CHST15: variants seen among roughly 807,000 people sequenced by gnomAD.
CHST15 encodes B cell RAG associated protein (GALNAC4S-6ST).
In CHST15, 30 loss-of-function variants were observed where a neutral mutation model predicts 53.6. The ratio of observed to expected loss-of-function variants is 0.56; its 90% CI spans 0.42 to 0.76. The LOEUF is 0.76. CHST15 is among the 30% of genes least tolerant of loss of function. The pLI, the probability that CHST15 is intolerant of heterozygous loss-of-function variation, is 0.00. For missense variants in CHST15, 627 were observed against 740.5 expected (o/e 0.85, Z 1.78); for synonymous variants, 296 against 289.8 (o/e 1.02, Z -0.22).
In CHST15 at chr10:124,021,238, G is replaced by GGGT. The variant is rs755457867; in HGVS notation, c.1347+17_1347+18insACC. 5.2e-6 allele frequency: 4 copies of GGGT among 770,894 alleles called. No individual in the cohort carries two copies. Among genetic ancestry groups the GGGT allele is most frequent in the African/African-American group, 4.0e-5 (1 of 24,862 alleles). The allele number at this position is 770,894 out of a possible 1,614,324, so 47.8% of individuals were successfully genotyped here. A position where few individuals can be genotyped will look rare whatever the true frequency, so the allele number is the denominator to read the frequency against. On this transcript the variant is annotated intron_variant, in intron 6 of 7. Coordinates refer to ENST00000435907, the MANE Select transcript of CHST15 (RefSeq NM_001270764.2). Reference sequence around the variant, plus strand: ...GCCAGGGGCCAGCTCGGGGGGTACGGGGGGGGGGGGTACACACAGGCATGG... The same window carrying GGGT: ...GCCAGGGGCCAGCTCGGGGGGTACGGGGTGGGGGGGGGGTACACACAGGCATGG...
intron 1 of CHST15, among the ~76,000 whole-genome samples, chr10:124,058,784 GGCAAATATCCA>G (rs1948467763): frequency 6.6e-6 from 1 of 152,182 alleles, no homozygotes; most frequent in Non-Finnish European, 1.5e-5. Flanking sequence ...CAGAAAGCAT[GGCAAATATCCA>G]GCAAATATCC....
chr10:124,081,608 A>G (rs769391682), intron 1 of CHST15, among the ~76,000 whole-genome samples: 6 of 152,250 alleles, frequency 3.9e-5, no homozygotes, highest in South Asian at 2.1e-4. Context: ...ATAGATATCC[A>G]TAAGGATTTT....
intron 1 of CHST15, among the ~76,000 whole-genome samples, chr10:124,073,047 C>G (rs1460689166): frequency 6.6e-6 from 1 of 152,182 alleles, no homozygotes; most frequent in Admixed American, 6.5e-5. Context: ...GTTTGGAACA[C>G]TGGCATTATC....
At chr10:124,018,977 G>A (rs987501161) in intron 6 of CHST15, among the ~76,000 whole-genome samples, 7 of 152,206 alleles carry the variant, frequency 4.6e-5, no homozygotes, top group African/African-American at 1.2e-4. Context: ...CACGTTCCCC[G>A]ATTTGTGTGC....
rs566065498 is a variant in CHST15 at position 124,075,146 on chromosome 10, T to G, written c.-513+18323A>C. 9.2e-5 allele frequency among the ~76,000 whole-genome samples: 14 copies of G among 152,378 alleles called. No homozygotes were observed. In the South Asian group the frequency reaches 2.9e-3, roughly 32 times the overall value. ...AAAACAATGACTGTGGATAGCTTAA[T>G]GGGGAAAATAAATAAAGCCAGCTTT... On this transcript the variant is annotated intron_variant, in intron 1 of 7. Coordinates refer to ENST00000435907, the MANE Select transcript of CHST15 (RefSeq NM_001270764.2).
At chr10:124,023,972 T>C (rs1321316356) in intron 5 of CHST15, among the ~76,000 whole-genome samples, 1 of 152,034 alleles carries the variant, frequency 6.6e-6, no homozygotes, top group Non-Finnish European at 1.5e-5. Flanking sequence ...GCCTCCTGAG[T>C]AGCTGGAATT....
intron 6 of CHST15, 40 bp downstream of exon 6, chr10:124,021,216 A>C: frequency 1.5e-6 from 1 of 688,360 alleles, no homozygotes; most frequent in Non-Finnish European, 2.2e-6. Flanking sequence ...TCCTTCTGCC[A>C]GGGGCCAGCT....
At chr10:124,029,892 GC>G (rs1947159364) in intron 5 of CHST15, among the ~76,000 whole-genome samples, 1 of 152,172 alleles carries the variant, frequency 6.6e-6, no homozygotes, top group African/African-American at 2.4e-5. Context: ...GTTTCTAAGT[GC>G]CCTCCCTGAT....
At chr10:124,020,747 A>T in intron 6 of CHST15, 5 of 1,031,036 alleles carry the variant, frequency 4.8e-6, no homozygotes, top group Non-Finnish European at 5.8e-6. Flanking sequence ...TTTTGCATTC[A>T]AAAAGGCTAG....
intron 7 of CHST15, chr10:124,011,583 C>G (rs939316660): frequency 1.0e-6 from 1 of 985,456 alleles, no homozygotes; most frequent in African/African-American, 1.7e-5. Context: ...GCCTGCTCAG[C>G]CTTTCAAGCC....
At chr10:124,021,126 TGCACATTAAAAC>T in intron 6 of CHST15, 118 bp downstream of exon 6, 1 of 1,523,604 alleles carries the variant, frequency 6.6e-7, no homozygotes, top group African/African-American at 1.4e-5. Flanking sequence ...GAACAGCATT[TGCACATTAAAAC>T]GCTTCTCTCT....
At chr10:124,089,189 T>C (rs1187012928) in intron 1 of CHST15, among the ~76,000 whole-genome samples, 1 of 152,120 alleles carries the variant, frequency 6.6e-6, no homozygotes, top group Non-Finnish European at 1.5e-5. Context: ...GGAGGGAGGC[T>C]GCGTGATTCT....
chr10:124,008,646 G>A lies in CHST15; in HGVS notation c.*1503C>T, dbSNP rs1323664060. ...CCAGCAGAAAGACGGCTGAACAACT[G>A]CAGATCCTCCTACCCCCGAAGCCTG... is the stretch of plus-strand genomic sequence containing the variant. On this transcript the variant is annotated 3_prime_UTR_variant, in exon 8 of 8. Transcript: ENST00000435907. The A allele has an allele frequency of 9.7e-7, 1 of 1,034,014 alleles. No individual in the cohort carries two copies. Among genetic ancestry groups the A allele is most frequent in the Non-Finnish European group, 1.2e-6 (1 of 856,304 alleles). 64.1% of individuals were successfully genotyped at this position (1,034,014 alleles called of 1,614,324 possible).
chr10:124,012,091 TC>T (rs1350360383), intron 7 of CHST15, among the ~76,000 whole-genome samples: 1 of 152,056 alleles, frequency 6.6e-6, no homozygotes, highest in Non-Finnish European at 1.5e-5. Context: ...GACCATAAGC[TC>T]CCAGAAGGGA....
chr10:124,053,902 G>A (rs1265855842), intron 1 of CHST15, among the ~76,000 whole-genome samples: 1 of 152,084 alleles, frequency 6.6e-6, no homozygotes, highest in African/African-American at 2.4e-5. Context: ...CTGTGCAACA[G>A]AGTGAGACCC....
chr10:124,047,507 C>T (rs1948044305), intron 1 of CHST15, among the ~76,000 whole-genome samples: 2 of 152,074 alleles, frequency 1.3e-5, no homozygotes, highest in South Asian at 4.1e-4. Context: ...TATTGTTGCC[C>T]AAATGACACT....
Position 124,045,656 on chromosome 10 carries a change from A to G in CHST15, c.546+11T>C. Reference sequence around the variant, plus strand: ...CAACCAATCAGTCAAGATTAGCACAAAGCTACTCACATGCAACTCCTGCTT... The same window carrying G: ...CAACCAATCAGTCAAGATTAGCACAGAGCTACTCACATGCAACTCCTGCTT... On this transcript the variant is annotated intron_variant, in intron 2 of 7. Coordinates refer to ENST00000435907, the MANE Select transcript of CHST15 (RefSeq NM_001270764.2). 6.4e-7 allele frequency: 1 copy of G among 1,570,416 alleles called. No individual in the cohort carries two copies. The highest frequency in any genetic ancestry group is 8.6e-7 in the Non-Finnish European group (1 of 1,158,902).
chr10:124,073,542 G>A (rs1476550504), intron 1 of CHST15, among the ~76,000 whole-genome samples: 2 of 152,174 alleles, frequency 1.3e-5, no homozygotes, highest in South Asian at 2.1e-4. Flanking sequence ...TAGGATAGAT[G>A]CTCTTTAATG....
chr10:124,082,215 C>T (rs1264662893), intron 1 of CHST15, among the ~76,000 whole-genome samples: 1 of 152,180 alleles, frequency 6.6e-6, no homozygotes, highest in Non-Finnish European at 1.5e-5. Context: ...CCCAACCCAC[C>T]TTAATCTGCT....
Sources: gnomAD v4.1 joint callset for allele counts (sites outside exome capture counted in the v4.1 genomes callset) on GRCh38, gnomAD v4.1.1 for gene constraint, MANE v1.5 for transcripts, NCBI Gene and HGNC (gene_info 2026-07-23, HGNC 2026-07-21) for gene names.